AGAP1: variants seen among roughly 807,000 people sequenced by gnomAD.
AGAP1 encodes the protein arf-GAP with GTPase, ANK repeat and PH domain-containing protein 1.
In AGAP1, 29 loss-of-function variants were observed where a neutral mutation model predicts 105.3. The observed-to-expected ratio is 0.28, with a 90% CI of 0.21 to 0.38. The LOEUF (loss-of-function observed/expected upper bound fraction) is 0.38. AGAP1 is among the 10% of genes least tolerant of loss of function. AGAP1 has a pLI of 1.00. For synonymous variants in AGAP1, 509 were observed against 485.9 expected, an observed-to-expected ratio of 1.05 and a Z score of -0.63; for missense variants, 998 against 1,165.1, an observed-to-expected ratio of 0.86 and a Z score of 2.09.
intron 1 of AGAP1, among the ~76,000 whole-genome samples, chr2:235,613,133 T>C (rs541753302): frequency 6.6e-6 from 1 of 151,844 alleles, no homozygotes; most frequent in Non-Finnish European, 1.5e-5. Context: ...GTAGCTGGGA[T>C]TACAGGCAGG....
At position 235,582,686 on chromosome 2, in the gene AGAP1, G is replaced by A. The variant is rs1371025126; in HGVS notation, c.163+87837G>A. On this transcript the variant is annotated intron_variant, in intron 1 of 17. Transcript: ENST00000304032. The surrounding 1 kb of genome is among the most constrained non-coding windows in gnomAD (Gnocchi z 4.7). Reference sequence around the variant, plus strand: ...TTCAGAAGGAAGGATTTAGCTGCTGGAGTGATGGCCGAAGGAGCCTGGGAG... The same window carrying A: ...TTCAGAAGGAAGGATTTAGCTGCTGAAGTGATGGCCGAAGGAGCCTGGGAG... Among the ~76,000 whole-genome samples the A allele has an allele frequency of 1.3e-5, 2 of 152,230 alleles. No homozygotes were observed. Among genetic ancestry groups the A allele is most frequent in the African/African-American group, 4.8e-5 (2 of 41,462 alleles).
intron 9 of AGAP1, among the ~76,000 whole-genome samples, chr2:235,848,516 A>T (rs1387295762): frequency 2.6e-5 from 4 of 152,244 alleles, no homozygotes; most frequent in Non-Finnish European, 5.9e-5. Flanking sequence ...GTTTAGCAAA[A>T]ACTGGAAATA....
intron 12 of AGAP1, among the ~76,000 whole-genome samples, chr2:235,952,382 C>G (rs2053775549): frequency 6.6e-6 from 1 of 151,184 alleles, no homozygotes; most frequent in African/African-American, 2.5e-5. Context: ...TCAGCCAAAT[C>G]CTTAAAATTT....
rs1946172714 is a variant in AGAP1 at position 235,612,717 on chromosome 2, T to TGACC, written c.164-96461_164-96460insACCG. Among the ~76,000 whole-genome samples the TGACC allele has an allele frequency of 6.7e-6, 1 of 150,258 alleles. No individual in the cohort carries two copies. Among genetic ancestry groups the TGACC allele is most frequent in the Non-Finnish European group, 1.5e-5 (1 of 67,522 alleles). On this transcript the variant is annotated intron_variant, in intron 1 of 17. Transcript: ENST00000304032. This position sits in a 1 kb window ranked among gnomAD's most constrained non-coding sequence, Gnocchi z 4.3. ...GGCACAGTGGTCCTTTTGCATGGGG[T>TGACC]GGCCGGCCAGGTGTGCTGAGTGCCA...
At position 235,903,053 on chromosome 2, in the gene AGAP1, A is replaced by G. The variant is rs1048738239; in HGVS notation, c.1156-5685A>G. On this transcript the variant is annotated intron_variant, in intron 10 of 17. Coordinates refer to ENST00000304032, the MANE Select transcript of AGAP1 (RefSeq NM_001037131.3). Reference sequence around the variant, plus strand: ...CATCAAAACAAATTTCAACACAGCAATAAAAAGGCAAGTACTGTATCTGAA... The same window carrying G: ...CATCAAAACAAATTTCAACACAGCAGTAAAAAGGCAAGTACTGTATCTGAA... Among the ~76,000 whole-genome samples, 5 of 152,234 alleles carry G rather than the reference A, an allele frequency of 3.3e-5. No individual in the cohort carries two copies. The South Asian group carries it at 6.2e-4, about 19-fold the overall frequency.
intron 15 of AGAP1, among the ~76,000 whole-genome samples, chr2:236,041,266 ATTTT>A (rs71039704): frequency 0.26 from 38,127 of 148,120 alleles, 5,869 homozygotes; most frequent in African/African-American, 0.44. Flanking sequence ...TCACTTGTTG[ATTTT>A]TTTTTTTTTT....
At chr2:235,627,644 T>G (rs1053535250) in intron 1 of AGAP1, among the ~76,000 whole-genome samples, 1 of 152,130 alleles carries the variant, frequency 6.6e-6, no homozygotes, top group Non-Finnish European at 1.5e-5. Flanking sequence ...GCAGCATCTG[T>G]TGATTTTGGG....
chr2:235,930,568 A>G lies in AGAP1; in HGVS notation c.1325-197A>G, dbSNP rs2052672245. Among the ~76,000 whole-genome samples the G allele has an allele frequency of 6.6e-6, 1 of 151,614 alleles. No individual in the cohort carries two copies. On this transcript the variant is annotated intron_variant, in intron 11 of 17. Coordinates refer to ENST00000304032, the MANE Select transcript of AGAP1 (RefSeq NM_001037131.3). The surrounding 1 kb of genome is among the most constrained non-coding windows in gnomAD (Gnocchi z 7.9). ...CCTTCACATTGCTTTGTCAGGCACC[A>G]TCAAGATTGGCGTCCCCCTTTTATT...
At chr2:235,627,192 G>GTTTTTTTTTTTTTT (rs36086999) in intron 1 of AGAP1, among the ~76,000 whole-genome samples, 4 of 95,584 alleles carry the variant, frequency 4.2e-5, no homozygotes, top group African/African-American at 1.3e-4. Context: ...CTGTTTTGAG[G>GTTTTTTTTTTTTTT]TTTTTTTTTT....
At position 235,620,392 on chromosome 2, in the gene AGAP1, C is replaced by T. The variant is rs774941174; in HGVS notation, c.164-88787C>T. 6.6e-6 allele frequency among the ~76,000 whole-genome samples: 1 copy of T among 152,180 alleles called. No individual in the cohort carries two copies. The highest frequency in any genetic ancestry group is 1.5e-5 in the Non-Finnish European group (1 of 68,038). ...CGGGTCAGAGTGTGATGCCCTCTGC[C>T]AAAACCTCCTCCTGGCCCTCGCCTT... On this transcript the variant is annotated intron_variant, in intron 1 of 17. Coordinates refer to ENST00000304032, the MANE Select transcript of AGAP1 (RefSeq NM_001037131.3). The surrounding 1 kb of genome is among the most constrained non-coding windows in gnomAD (Gnocchi z 4.5).
chr2:235,829,078 G>A (rs1031418370), intron 9 of AGAP1, among the ~76,000 whole-genome samples: 1 of 152,212 alleles, frequency 6.6e-6, no homozygotes, highest in Non-Finnish European at 1.5e-5. Context: ...GGGTAGATGG[G>A]CACCAGTGAC....
rs180694013 is a variant in AGAP1, at chr2:235,767,285, A to G, written c.673+16797A>G. On this transcript the variant is annotated intron_variant, in intron 6 of 17. Coordinates refer to ENST00000304032, the MANE Select transcript of AGAP1 (RefSeq NM_001037131.3). Reference sequence around the variant, plus strand: ...CATTCTCTCTTAACAGAATGCACCAAGAGTTTCTCTGGCTTGAGTGATTGG... The same window carrying G: ...CATTCTCTCTTAACAGAATGCACCAGGAGTTTCTCTGGCTTGAGTGATTGG... 2.7e-3 allele frequency among the ~76,000 whole-genome samples: 404 copies of G among 152,282 alleles called. 1 individual carries two copies. The highest frequency in any genetic ancestry group is 6.8e-3 in the Middle Eastern group (2 of 294).
Position 235,700,909 on chromosome 2 carries a change from GCA to G in AGAP1, c.164-8269_164-8268del, listed in dbSNP as rs1950216658. ...TATATGTATATAATGTATAATATAT[GCA>G]TATATTATGTATTACACATGCTAGC... On this transcript the variant is annotated intron_variant, in intron 1 of 17. Coordinates refer to ENST00000304032, the MANE Select transcript of AGAP1 (RefSeq NM_001037131.3). This position sits in a 1 kb window ranked among gnomAD's most constrained non-coding sequence, Gnocchi z 6.1. Among the ~76,000 whole-genome samples the G allele has an allele frequency of 1.4e-5, 2 of 146,510 alleles. No individual in the cohort carries two copies. The highest frequency in any genetic ancestry group is 1.4e-4 in the Admixed American group (2 of 14,520).
chr2:235,853,456 C>T (rs555527395), intron 9 of AGAP1, among the ~76,000 whole-genome samples: 6 of 152,282 alleles, frequency 3.9e-5, no homozygotes, highest in South Asian at 2.1e-4. Context: ...CCTAGGGATG[C>T]GGCAGATAGG....
intron 12 of AGAP1, among the ~76,000 whole-genome samples, chr2:235,955,624 A>G (rs1224613561): frequency 6.6e-6 from 1 of 152,210 alleles, no homozygotes; most frequent in Non-Finnish European, 1.5e-5. Flanking sequence ...GAATCCTATT[A>G]CTTATCTTCT....
chr2:235,761,693 G>A (rs1398721076), intron 6 of AGAP1, among the ~76,000 whole-genome samples: 1 of 152,170 alleles, frequency 6.6e-6, no homozygotes, highest in African/African-American at 2.4e-5. Context: ...ACCCTCCATG[G>A]AATCGATGAT....
chr2:235,978,616 G>A (rs1297073277), intron 13 of AGAP1, among the ~76,000 whole-genome samples: 1 of 152,188 alleles, frequency 6.6e-6, no homozygotes, highest in African/African-American at 2.4e-5. Context: ...TCTGGGACTT[G>A]GAAGTCTGTA....
chr2:235,495,156 C>G (rs990693723), intron 1 of AGAP1, among the ~76,000 whole-genome samples: 1 of 152,198 alleles, frequency 6.6e-6, no homozygotes, highest in Non-Finnish European at 1.5e-5. Flanking sequence ...CCCGGCCCAG[C>G]AGACGCCTGG....
At chr2:235,675,315 C>T (rs920202368) in intron 1 of AGAP1, among the ~76,000 whole-genome samples, 2 of 151,610 alleles carry the variant, frequency 1.3e-5, no homozygotes, top group African/African-American at 4.8e-5. Flanking sequence ...TCAGCCTCTC[C>T]GAATAGCTGG....
Sources: allele counts gnomAD v4.1 joint callset (sites outside exome capture counted in the v4.1 genomes callset), GRCh38; gene constraint gnomAD v4.1.1; non-coding constraint Gnocchi (gnomAD v3.1); transcripts MANE v1.5; gene names NCBI Gene and HGNC (gene_info 2026-07-23, HGNC 2026-07-21).